MTUS2: variants seen among roughly 807,000 people sequenced by gnomAD.
MTUS2 encodes microtubule-associated tumor suppressor candidate 2.
In MTUS2, 40 loss-of-function variants were observed where a neutral mutation model predicts 114.1. The ratio of observed to expected loss-of-function variants is 0.35; its 90% confidence interval spans 0.27 to 0.46. MTUS2 has a LOEUF of 0.46. Ranked by LOEUF, MTUS2 falls within the 20% of genes least tolerant of loss-of-function variation. MTUS2 has a pLI of 1.00. For missense variants in MTUS2, 1,679 were observed against 1,705.4 expected, an observed-to-expected ratio of 0.98 and a Z score of 0.27; for synonymous variants, 688 against 672.0, an observed-to-expected ratio of 1.02 and a Z score of -0.37.
At position 29,269,226 on chromosome 13, in the gene MTUS2, T is replaced by C. The variant is rs539826413; in HGVS notation, c.2645-12478T>C. Among the ~76,000 whole-genome samples the C allele has an allele frequency of 2.0e-5, 3 of 152,178 alleles. No homozygotes were observed. In the South Asian group the frequency reaches 6.2e-4, roughly 32 times the overall value. On this transcript the variant is annotated intron_variant, in intron 5 of 15. Coordinates refer to ENST00000612955, the MANE Select transcript of MTUS2 (RefSeq NM_001033602.4). ...TAGGTCAGATTCATAACTCAATCTC[T>C]TCCTGGAGAAGAATCTGCCTTTCCC...
At chr13:28,913,960 C>A (rs1880600852) in intron 2 of MTUS2, among the ~76,000 whole-genome samples, 1 of 151,952 alleles carries the variant, frequency 6.6e-6, no homozygotes, top group South Asian at 2.1e-4. Context: ...GTGGTGATAT[C>A]CCCCTTATCA....
intron 1 of MTUS2, among the ~76,000 whole-genome samples, chr13:28,828,547 A>G (rs1362005300): frequency 1.3e-5 from 2 of 152,226 alleles, no homozygotes; most frequent in Non-Finnish European, 2.9e-5. Context: ...TAAAATTATT[A>G]ATTTGGGGAA....
intron 5 of MTUS2, among the ~76,000 whole-genome samples, chr13:29,220,632 C>A (rs556638738): frequency 1.6e-4 from 25 of 152,246 alleles, no homozygotes; most frequent in African/African-American, 5.3e-4. Flanking sequence ...ATTAAATTTG[C>A]CATCTTATAT....
intron 8 of MTUS2, among the ~76,000 whole-genome samples, chr13:29,428,432 C>A (rs1173072514): frequency 6.6e-6 from 1 of 152,260 alleles, no homozygotes; most frequent in Non-Finnish European, 1.5e-5. Context: ...GCATCCCCGC[C>A]AGGGGAGGGC....
intron 14 of MTUS2, among the ~76,000 whole-genome samples, chr13:29,499,988 C>T (rs1483213998): frequency 6.6e-6 from 1 of 152,266 alleles, no homozygotes; most frequent in Non-Finnish European, 1.5e-5. Flanking sequence ...CAGGACAGCG[C>T]CTGCCTCAGC....
intron 5 of MTUS2, among the ~76,000 whole-genome samples, chr13:29,103,033 C>T (rs952267237): frequency 6.6e-6 from 1 of 152,046 alleles, no homozygotes; most frequent in African/African-American, 2.4e-5. Context: ...TGGAAACAGC[C>T]AATGTGGTAT....
intron 8 of MTUS2, among the ~76,000 whole-genome samples, chr13:29,389,630 T>TAC (rs147603622): frequency 0.59 from 65,147 of 111,078 alleles, 22,893 homozygotes; most frequent in South Asian, 0.75. Flanking sequence ...TATATATGTA[T>TAC]ACACATATGT....
intron 4 of MTUS2, among the ~76,000 whole-genome samples, chr13:29,057,553 CCTT>C (rs962867810): frequency 6.6e-6 from 1 of 152,054 alleles, no homozygotes; most frequent in Non-Finnish European, 1.5e-5. Flanking sequence ...TATGTAATGA[CCTT>C]CTTTTTCTGT....
In MTUS2 at chr13:28,944,412, A is replaced by G. The variant is rs145486107; in HGVS notation, c.-242-80045A>G. On this transcript the variant is annotated intron_variant, in intron 2 of 15. Transcript: ENST00000612955. ...TTAAGTATAAAATGGTGTCAGGGTA[A>G]CTTCTGTGTGCTTCAAATGGATTGT... Among the ~76,000 whole-genome samples, 236 of 152,222 alleles carry G rather than the reference A, an allele frequency of 1.6e-3. 1 individual carries two copies. Among genetic ancestry groups the G allele is most frequent in the African/African-American group, 5.3e-3 (220 of 41,552 alleles).
At chr13:28,991,539 T>C (rs1226850008) in intron 2 of MTUS2, among the ~76,000 whole-genome samples, 1 of 152,172 alleles carries the variant, frequency 6.6e-6, no homozygotes, top group Admixed American at 6.5e-5. Context: ...TAGCTAATTT[T>C]TTGTATTTTT....
intron 2 of MTUS2, among the ~76,000 whole-genome samples, chr13:28,935,004 G>A (rs1282417889): frequency 1.7e-5 from 2 of 117,646 alleles, no homozygotes; most frequent in Admixed American, 1.8e-4. Context: ...CATCTCCATA[G>A]CGTTTTTTTT....
Position 29,389,807 on chromosome 13 carries a change from GTGTATATATACATACATA to G in MTUS2, c.3117+30338_3117+30355del, listed in dbSNP as rs1873179572. ...TGTGTATATGTATATACATACATAT[GTGTATATATACATACATA>G]TGTGTATATATACATACATATGTGT... On this transcript the variant is annotated intron_variant, in intron 8 of 15. Coordinates refer to ENST00000612955, the MANE Select transcript of MTUS2 (RefSeq NM_001033602.4). 4.1e-5 allele frequency among the ~76,000 whole-genome samples: 3 copies of G among 72,438 alleles called. 1 individual carries two copies. The highest frequency in any genetic ancestry group is 2.0e-4 in the African/African-American group (3 of 14,784). 47.5% of individuals were successfully genotyped at this position (72,438 alleles called of 152,430 possible).
intron 1 of MTUS2, among the ~76,000 whole-genome samples, chr13:28,829,882 T>A (rs751486113): frequency 6.6e-6 from 1 of 152,212 alleles, no homozygotes; most frequent in Non-Finnish European, 1.5e-5. Context: ...TGTCTGTATG[T>A]CCAGGAAATA....
At chr13:28,912,952 C>A (rs910390619) in intron 2 of MTUS2, among the ~76,000 whole-genome samples, 1 of 152,028 alleles carries the variant, frequency 6.6e-6, no homozygotes, top group Admixed American at 6.6e-5. Flanking sequence ...AATGGGTGCA[C>A]ATTGATTTTT....
chr13:29,443,368 G>A (rs1878040847), intron 9 of MTUS2, among the ~76,000 whole-genome samples: 1 of 152,216 alleles, frequency 6.6e-6, no homozygotes, highest in Non-Finnish European at 1.5e-5. Flanking sequence ...TGTGCCAAGT[G>A]CAAGGCTGCT....
chr13:28,862,952 TTTG>T (rs1226685307), intron 2 of MTUS2, among the ~76,000 whole-genome samples: 6 of 152,224 alleles, frequency 3.9e-5, no homozygotes, highest in African/African-American at 1.4e-4. Flanking sequence ...GTGCAAAATT[TTTG>T]TTGTTTTATA....
intron 2 of MTUS2, among the ~76,000 whole-genome samples, chr13:28,944,220 T>C (rs1390639962): frequency 2.0e-5 from 3 of 152,162 alleles, no homozygotes; most frequent in Admixed American, 2.0e-4. Flanking sequence ...TTCTTTATGC[T>C]GGGAACATTT....
chr13:28,839,492 T>G (rs550629995), intron 1 of MTUS2, among the ~76,000 whole-genome samples: 1 of 152,286 alleles, frequency 6.6e-6, no homozygotes, highest in Non-Finnish European at 1.5e-5. Flanking sequence ...ATTAACTACT[T>G]GAGGGATTAA....
At chr13:28,999,052 G>A (rs886586830) in intron 2 of MTUS2, among the ~76,000 whole-genome samples, 17 of 152,166 alleles carry the variant, frequency 1.1e-4, no homozygotes, top group Non-Finnish European at 1.8e-4. Context: ...TGATGGTGAT[G>A]TACAGATAGG....
Sources: allele counts gnomAD v4.1 joint callset (sites outside exome capture counted in the v4.1 genomes callset), GRCh38; gene constraint gnomAD v4.1.1; transcripts MANE v1.5; gene names NCBI Gene and HGNC (gene_info 2026-07-23, HGNC 2026-07-21).